The following RAPGEF2 variants were observed in gnomAD, a reference collection of about 807,000 sequenced individuals.
RAPGEF2 encodes Rap guanine nucleotide exchange factor 2.
In RAPGEF2, 54 loss-of-function variants were observed where a neutral mutation model predicts 186.7. The observed-to-expected ratio is 0.29, with a 90% CI of 0.23 to 0.36. RAPGEF2 has a LOEUF of 0.36. Among genes scored for constraint, RAPGEF2 ranks in the 10% least tolerant of loss-of-function variants. RAPGEF2 has a pLI of 1.00. For missense variants in RAPGEF2, 1,532 were observed against 2,045.0 expected (o/e 0.75, Z 4.84); for synonymous variants, 712 against 705.9 (o/e 1.01, Z -0.14).
chr4:159,305,591 G>A (rs6835746), intron 8 of RAPGEF2, among the ~76,000 whole-genome samples: 45,583 of 151,962 alleles, frequency 0.3, 7,768 homozygotes, highest in Non-Finnish European at 0.39. Flanking sequence ...CCAGTAGGAT[G>A]CATAGTTAGC....
intron 7 of RAPGEF2, among the ~76,000 whole-genome samples, chr4:159,272,475 A>G (rs1458243919): frequency 2.0e-5 from 3 of 152,052 alleles, no homozygotes; most frequent in Non-Finnish European, 1.5e-5. Flanking sequence ...ATCTCTTCAT[A>G]TTTATCTCTA....
chr4:159,230,755 G>C (rs1453597458), intron 4 of RAPGEF2, among the ~76,000 whole-genome samples: 1 of 152,080 alleles, frequency 6.6e-6, no homozygotes, highest in East Asian at 1.9e-4. Context: ...GAGTGAGCCT[G>C]GTCATTGAGA....
chr4:159,196,994 G>T (rs1017322689), intron 3 of RAPGEF2, among the ~76,000 whole-genome samples: 1 of 152,178 alleles, frequency 6.6e-6, no homozygotes, highest in African/African-American at 2.4e-5. Flanking sequence ...TTACAGAATG[G>T]AAAAGCCTAT....
chr4:159,291,456 C>T (rs531097981), intron 7 of RAPGEF2, among the ~76,000 whole-genome samples: 44 of 152,038 alleles, frequency 2.9e-4, no homozygotes, highest in African/African-American at 9.6e-4. Context: ...TCATCACACC[C>T]GGCTAATTTT....
intron 7 of RAPGEF2, among the ~76,000 whole-genome samples, chr4:159,257,714 T>G (rs2111538192): frequency 6.6e-6 from 1 of 152,332 alleles, no homozygotes; most frequent in East Asian, 1.9e-4. Context: ...ATGTCAGGTT[T>G]GTTGAAGATG....
intron 9 of RAPGEF2, among the ~76,000 whole-genome samples, chr4:159,315,082 T>C (rs1364575768): frequency 1.3e-5 from 2 of 152,092 alleles, no homozygotes. Context: ...GTATTACTTC[T>C]ATTAATTTTC....
chr4:159,157,420 A>G (rs1373326519), intron 1 of RAPGEF2, among the ~76,000 whole-genome samples: 2 of 152,162 alleles, frequency 1.3e-5, no homozygotes, highest in Non-Finnish European at 1.5e-5. Context: ...GTTTTTATCT[A>G]TTATTGCTAA....
intron 1 of RAPGEF2, among the ~76,000 whole-genome samples, chr4:159,147,371 C>G (rs1334303709): frequency 2.0e-5 from 3 of 151,146 alleles, no homozygotes; most frequent in Non-Finnish European, 4.4e-5. Context: ...CACAAAAATA[C>G]CTTTTTTTTT....
At chr4:159,286,365 C>T (rs1760493986) in intron 7 of RAPGEF2, among the ~76,000 whole-genome samples, 3 of 152,150 alleles carry the variant, frequency 2.0e-5, no homozygotes, top group Non-Finnish European at 4.4e-5. Flanking sequence ...TAATGTTGTA[C>T]TGTTCCAAAT....
At chr4:159,203,923 C>T (rs563139833) in intron 3 of RAPGEF2, among the ~76,000 whole-genome samples, 3 of 152,318 alleles carry the variant, frequency 2.0e-5, no homozygotes, top group East Asian at 1.9e-4. Flanking sequence ...GACTTTACCA[C>T]GATCACGTGG....
intron 1 of RAPGEF2, among the ~76,000 whole-genome samples, chr4:159,143,199 C>T (rs1742538406): frequency 6.6e-6 from 1 of 152,060 alleles, no homozygotes; most frequent in South Asian, 2.1e-4. Flanking sequence ...CTCTGCATAG[C>T]TACTGCACTC....
At chr4:159,352,662 A>G in intron 26 of RAPGEF2, 23 bp from the exon 27 acceptor site, 1 of 1,566,192 alleles carries the variant, frequency 6.4e-7, no homozygotes, top group Non-Finnish European at 8.8e-7. Flanking sequence ...AGTCTAATTA[A>G]TACGGTTGTA....
chr4:159,301,896 T>TG (rs1762716443), intron 7 of RAPGEF2, among the ~76,000 whole-genome samples: 1 of 152,166 alleles, frequency 6.6e-6, no homozygotes, highest in Admixed American at 6.5e-5. Flanking sequence ...TATTTTCTAT[T>TG]GTTTGTAACA....
At chr4:159,343,976 G>C (rs770052204) in intron 22 of RAPGEF2, 60 bp from the exon 23 acceptor site, 18 of 1,503,192 alleles carry the variant, frequency 1.2e-5, no homozygotes, top group South Asian at 5.6e-5. Context: ...TTCTGAGCTT[G>C]TGATCTTTCT....
intron 8 of RAPGEF2, among the ~76,000 whole-genome samples, chr4:159,314,084 A>G (rs138568645): frequency 1.3e-5 from 2 of 152,340 alleles, no homozygotes; most frequent in African/African-American, 2.4e-5. Context: ...TCATTGGGAT[A>G]ATCCAACTAA....
At position 159,198,277 on chromosome 4, in the gene RAPGEF2, TCTTTC is replaced by T. The variant is rs1748934851; in HGVS notation, c.197+5022_197+5026del. Among the ~76,000 whole-genome samples, 6 of 5,854 alleles carry T rather than the reference TCTTTC, an allele frequency of 1.0e-3. 1 individual carries two copies. The South Asian group carries it at 0.065, about 64-fold the overall frequency. The allele number at this position is 5,854 out of a possible 152,430, so 3.8% of individuals were successfully genotyped here. ...CTTTCTTTCTCTTTCTTTCCTTCTT[TCTTTC>T]TTTCTTTCTTTCTTTCTTTCTTTCT... On this transcript the variant is annotated intron_variant, in intron 3 of 29. Coordinates refer to ENST00000691494, the MANE Select transcript of RAPGEF2 (RefSeq NM_001394067.2).
At chr4:159,201,562 A>G (rs1348677635) in intron 3 of RAPGEF2, among the ~76,000 whole-genome samples, 1 of 152,222 alleles carries the variant, frequency 6.6e-6, no homozygotes, top group Non-Finnish European at 1.5e-5. Context: ...GCATAATCGT[A>G]TATTTGAGAG....
At chr4:159,357,808 T>A (rs531256737) in intron 29 of RAPGEF2, among the ~76,000 whole-genome samples, 39 of 152,256 alleles carry the variant, frequency 2.6e-4, no homozygotes, top group African/African-American at 8.7e-4. Context: ...GATCGTATAT[T>A]TTTTTTAAAT....
chr4:159,159,049 G>C (rs1561024859), intron 1 of RAPGEF2, among the ~76,000 whole-genome samples: 1 of 152,196 alleles, frequency 6.6e-6, no homozygotes, highest in Non-Finnish European at 1.5e-5. Context: ...TGAAAGCTTA[G>C]AGATATTTAA....
Sources: allele counts gnomAD v4.1 joint callset (sites outside exome capture counted in the v4.1 genomes callset), GRCh38; gene constraint gnomAD v4.1.1; transcripts MANE v1.5; gene names NCBI Gene and HGNC (gene_info 2026-07-23, HGNC 2026-07-21).